The following UBE2E2 variants were observed in gnomAD, a reference collection of about 807,000 sequenced individuals.
UBE2E2 encodes the protein ubiquitin conjugating enzyme E2 E2, also known as ubiquitin-conjugating enzyme E2 E2.
A neutral mutation model predicts 24.7 loss-of-function variants in UBE2E2; 6 were observed. The observed-to-expected ratio is 0.24, with a 90% confidence interval of 0.13 to 0.48. The LOEUF (loss-of-function observed/expected upper bound fraction) is 0.48. UBE2E2 is among the 20% of genes least tolerant of loss of function. The pLI, the probability that UBE2E2 is intolerant of heterozygous loss-of-function variation, is 0.99. For missense variants in UBE2E2, 169 were observed against 245.0 expected (o/e 0.69, Z 2.07); for synonymous variants, 104 against 83.6 (o/e 1.24, Z -1.33).
intron 4 of UBE2E2, among the ~76,000 whole-genome samples, chr3:23,523,080 CTAATT>C (rs748641586): frequency 2.6e-5 from 4 of 151,916 alleles, no homozygotes; most frequent in Non-Finnish European, 5.9e-5. Flanking sequence ...AAAGAAGTAA[CTAATT>C]TAAAAAAAAC....
intron 3 of UBE2E2, among the ~76,000 whole-genome samples, chr3:23,252,182 C>T (rs1166371205): frequency 6.6e-6 from 1 of 152,132 alleles, no homozygotes; most frequent in East Asian, 1.9e-4. Flanking sequence ...TGTATACATA[C>T]ATATTTTCCT....
At chr3:23,404,943 A>G (rs1038243595) in intron 3 of UBE2E2, among the ~76,000 whole-genome samples, 3 of 152,218 alleles carry the variant, frequency 2.0e-5, no homozygotes, top group Admixed American at 2.0e-4. Flanking sequence ...TACTCTGTTC[A>G]GTTCAGCCAC....
chr3:23,473,079 T>C (rs1575652908), intron 3 of UBE2E2, among the ~76,000 whole-genome samples: 1 of 152,088 alleles, frequency 6.6e-6, no homozygotes, highest in Non-Finnish European at 1.5e-5. Flanking sequence ...TATGCTTCAC[T>C]AGACTACCAG....
At chr3:23,352,528 G>A (rs1459154892) in intron 3 of UBE2E2, among the ~76,000 whole-genome samples, 1 of 152,004 alleles carries the variant, frequency 6.6e-6, no homozygotes, top group Admixed American at 6.6e-5. Flanking sequence ...GCAAATAGAT[G>A]CAATAAAAAA....
chr3:23,582,090 G>A (rs1696491353), intron 5 of UBE2E2, among the ~76,000 whole-genome samples: 1 of 152,108 alleles, frequency 6.6e-6, no homozygotes, highest in Non-Finnish European at 1.5e-5. Flanking sequence ...GGTATCTGTT[G>A]TTTGCTTCTT....
intron 3 of UBE2E2, among the ~76,000 whole-genome samples, chr3:23,380,540 G>T (rs1232152149): frequency 1.3e-5 from 2 of 152,144 alleles, no homozygotes; most frequent in African/African-American, 4.8e-5. Context: ...TTCTTCTTTA[G>T]CAGGCCTCCC....
intron 3 of UBE2E2, among the ~76,000 whole-genome samples, chr3:23,340,383 T>A (rs1342728970): frequency 1.3e-5 from 2 of 152,094 alleles, no homozygotes; most frequent in Non-Finnish European, 2.9e-5. Context: ...TTTTTCTTCT[T>A]GTGAAGCAAG....
chr3:23,501,366 G>A lies in UBE2E2; in HGVS notation c.360+1626G>A, dbSNP rs573202971. ...CATTCTTGACTTTCTCCACTGAGTCGTGCACTCCACTGGGCATCAGCTCTG... is the reference window on the plus strand; with the variant it reads ...CATTCTTGACTTTCTCCACTGAGTCATGCACTCCACTGGGCATCAGCTCTG... On this transcript the variant is annotated intron_variant, in intron 4 of 5. Coordinates refer to ENST00000396703, the MANE Select transcript of UBE2E2 (RefSeq NM_152653.4). Among the ~76,000 whole-genome samples the A allele has an allele frequency of 1.3e-4, 20 of 152,258 alleles. No individual in the cohort carries two copies. In the East Asian group the frequency reaches 1.9e-3, roughly 15 times the overall value.
intron 5 of UBE2E2, among the ~76,000 whole-genome samples, chr3:23,544,120 C>G (rs983530680): frequency 6.6e-6 from 1 of 151,944 alleles, no homozygotes; most frequent in East Asian, 1.9e-4. Flanking sequence ...GGAAGAAAAC[C>G]TAGGAAAAAC....
intron 3 of UBE2E2, among the ~76,000 whole-genome samples, chr3:23,455,762 A>C (rs1049757424): frequency 6.6e-6 from 1 of 152,152 alleles, no homozygotes; most frequent in Non-Finnish European, 1.5e-5. Flanking sequence ...GGGAGTCATA[A>C]TCTTTTTGCT....
chr3:23,452,318 A>C (rs1340708489), intron 3 of UBE2E2, among the ~76,000 whole-genome samples: 1 of 152,216 alleles, frequency 6.6e-6, no homozygotes, highest in Non-Finnish European at 1.5e-5. Context: ...TGTGAATCAT[A>C]AACAGGTGCA....
At chr3:23,379,817 G>C (rs562102497) in intron 3 of UBE2E2, among the ~76,000 whole-genome samples, 2 of 152,248 alleles carry the variant, frequency 1.3e-5, no homozygotes, top group South Asian at 2.1e-4. Flanking sequence ...TAAGCTCTAA[G>C]TAGAAGGAAA....
At chr3:23,259,722 G>A (rs6771206) in intron 3 of UBE2E2, among the ~76,000 whole-genome samples, 46,704 of 151,962 alleles carry the variant, frequency 0.31, 7,458 homozygotes, top group South Asian at 0.39. Context: ...ATGATTCAGC[G>A]TATTGGAAGA....
chr3:23,568,037 C>T (rs892578295), intron 5 of UBE2E2, among the ~76,000 whole-genome samples: 1 of 152,198 alleles, frequency 6.6e-6, no homozygotes, highest in Non-Finnish European at 1.5e-5. Context: ...TTTCAGTGGA[C>T]AGTCACTCCT....
intron 5 of UBE2E2, among the ~76,000 whole-genome samples, chr3:23,568,716 T>C (rs533491074): frequency 8.8e-4 from 120 of 136,146 alleles, no homozygotes; most frequent in South Asian, 2.4e-3. Flanking sequence ...TACATGTATA[T>C]ACACATATAT....
At chr3:23,456,492 C>G (rs955699432) in intron 3 of UBE2E2, among the ~76,000 whole-genome samples, 3 of 152,160 alleles carry the variant, frequency 2.0e-5, no homozygotes, top group Non-Finnish European at 2.9e-5. Context: ...GTCAAAATTA[C>G]TCTTTGGTTT....
At chr3:23,478,299 A>G (rs913009331) in intron 3 of UBE2E2, among the ~76,000 whole-genome samples, 2 of 152,208 alleles carry the variant, frequency 1.3e-5, no homozygotes, top group Non-Finnish European at 2.9e-5. Context: ...CAACATAACC[A>G]GGGGTAAGGA....
intron 3 of UBE2E2, among the ~76,000 whole-genome samples, chr3:23,326,745 A>G (rs181063841): frequency 6.6e-6 from 1 of 152,312 alleles, no homozygotes; most frequent in Non-Finnish European, 1.5e-5. Context: ...ATATATGTGT[A>G]CATGTCCCAT....
chr3:23,583,014 C>T lies in UBE2E2; in HGVS notation c.509-6720C>T, dbSNP rs948617804. Among the ~76,000 whole-genome samples the T allele has an allele frequency of 6.6e-6, 1 of 151,950 alleles. No homozygotes were observed. The highest frequency in any genetic ancestry group is 2.4e-5 in the African/African-American group (1 of 41,354). On this transcript the variant is annotated intron_variant, in intron 5 of 5. Transcript: ENST00000396703. This position sits in a 1 kb window ranked among gnomAD's most constrained non-coding sequence, Gnocchi z 4.1. Reference sequence around the variant, plus strand: ...ATGGAATTTTTGCCAGGGCCTGTGTCCAGAATGGTATTTCCTAAGTTGTCT... The same window carrying T: ...ATGGAATTTTTGCCAGGGCCTGTGTTCAGAATGGTATTTCCTAAGTTGTCT...
Sources: gnomAD v4.1 joint callset for allele counts (sites outside exome capture counted in the v4.1 genomes callset) on GRCh38, gnomAD v4.1.1 for gene constraint, Gnocchi (gnomAD v3.1) non-coding constraint, MANE v1.5 for transcripts, NCBI Gene and HGNC (gene_info 2026-07-23, HGNC 2026-07-21) for gene names.